SHLD1: variants seen among roughly 807,000 people sequenced by gnomAD.
The protein encoded by SHLD1 is shieldin complex subunit 1.
SHLD1 carries 3 observed loss-of-function variants against 5.5 expected under a neutral mutation model. The ratio of observed to expected loss-of-function variants is 0.54; its 90% confidence interval spans 0.25 to 1.40. SHLD1 has a LOEUF of 1.40. Ranked by LOEUF, SHLD1 falls within the 40% of genes most tolerant of loss-of-function variation. The probability of loss-of-function intolerance (pLI) is 0.15; values close to 1 mark genes in which losing one functional copy is unlikely to be tolerated. For missense variants in SHLD1, 210 were observed against 244.4 expected (o/e 0.86, Z 0.94); for synonymous variants, 92 against 94.3 (o/e 0.98, Z 0.14).
chr20:5,771,554 G>A (rs1435031192), intron 1 of SHLD1, among the ~76,000 whole-genome samples: 1 of 151,610 alleles, frequency 6.6e-6, no homozygotes, highest in Admixed American at 6.6e-5. Flanking sequence ...TATCTTCCAC[G>A]CACAAATGTA....
chr20:5,837,095 A>T (rs1359553241), intron 2 of SHLD1, among the ~76,000 whole-genome samples: 1 of 152,206 alleles, frequency 6.6e-6, no homozygotes, highest in East Asian at 1.9e-4. Context: ...CAACTGGAGC[A>T]ATAGGACAGA....
intron 2 of SHLD1, among the ~76,000 whole-genome samples, chr20:5,845,835 C>CCTT (rs2087926895): frequency 6.6e-6 from 1 of 152,120 alleles, no homozygotes. Flanking sequence ...AAGATGACTC[C>CCTT]TAAGGGGCTC....
intron 2 of SHLD1, among the ~76,000 whole-genome samples, chr20:5,785,028 T>C (rs1184946286): frequency 6.6e-6 from 1 of 152,222 alleles, no homozygotes; most frequent in Non-Finnish European, 1.5e-5. Flanking sequence ...CTCAAGGGCT[T>C]CTTCAAGTAA....
intron 2 of SHLD1, among the ~76,000 whole-genome samples, chr20:5,812,926 G>A (rs976187126): frequency 3.9e-5 from 6 of 151,940 alleles, no homozygotes; most frequent in Non-Finnish European, 8.8e-5. Flanking sequence ...CCAGGCTGGA[G>A]TGCAGTGATA....
chr20:5,817,740 T>C (rs952993051), intron 2 of SHLD1, among the ~76,000 whole-genome samples: 28 of 152,062 alleles, frequency 1.8e-4, no homozygotes, highest in African/African-American at 6.8e-4. Flanking sequence ...TGTGAAATAC[T>C]CAAAAGAATC....
chr20:5,845,568 T>TTG (rs2087923049), intron 2 of SHLD1, among the ~76,000 whole-genome samples: 1 of 152,250 alleles, frequency 6.6e-6, no homozygotes, highest in African/African-American at 2.4e-5. Context: ...GTTGCCTGCA[T>TTG]TGCACAGAAC....
intron 2 of SHLD1, among the ~76,000 whole-genome samples, chr20:5,857,579 C>T (rs758316563): frequency 2.0e-5 from 3 of 152,118 alleles, no homozygotes; most frequent in South Asian, 2.1e-4. Flanking sequence ...GAGGCCGAGG[C>T]GGGCAGATTA....
chr20:5,778,245 T>C (rs1338291229), intron 2 of SHLD1, among the ~76,000 whole-genome samples: 2 of 150,260 alleles, frequency 1.3e-5, no homozygotes, highest in Non-Finnish European at 3.0e-5. Flanking sequence ...GCCTCCCAAG[T>C]AGCTAGGACT....
At chr20:5,771,633 G>C (rs77631634) in intron 1 of SHLD1, among the ~76,000 whole-genome samples, 2 of 135,924 alleles carry the variant, frequency 1.5e-5, no homozygotes, top group African/African-American at 5.5e-5. Context: ...TTTTTTTTTT[G>C]AGACAGAGTC....
chr20:5,759,771 G>A (rs1984353721), intron 1 of SHLD1, among the ~76,000 whole-genome samples: 1 of 151,896 alleles, frequency 6.6e-6, no homozygotes, highest in Non-Finnish European at 1.5e-5. Context: ...AAATTATTGG[G>A]CTCAAGCAAT....
chr20:5,864,266 G>A lies in SHLD1; in HGVS notation c.*803G>A, dbSNP rs527723637. On this transcript the variant is annotated 3_prime_UTR_variant, in exon 3 of 3. Coordinates refer to ENST00000303142, the MANE Select transcript of SHLD1 (RefSeq NM_152504.4). ...TCTTGTCTTTTATCAGATTGCAAAC[G>A]TGAAAGGTGAGAAGGTAACAAATGT... Among the ~76,000 whole-genome samples the A allele has an allele frequency of 9.8e-5, 15 of 152,294 alleles. No individual in the cohort carries two copies. The highest frequency in any genetic ancestry group is 3.1e-4 in the African/African-American group (13 of 41,560).
At chr20:5,833,577 A>G (rs1189276954) in intron 2 of SHLD1, among the ~76,000 whole-genome samples, 2 of 152,016 alleles carry the variant, frequency 1.3e-5, no homozygotes, top group Non-Finnish European at 2.9e-5. Context: ...TCTGTCCTGA[A>G]CAGAGTCCAT....
In SHLD1 at chr20:5,806,977, T is replaced by C. The variant is rs1218034616; in HGVS notation, c.178+33934T>C. On this transcript the variant is annotated intron_variant, in intron 2 of 2. Coordinates refer to ENST00000303142, the MANE Select transcript of SHLD1 (RefSeq NM_152504.4). This position sits in a 1 kb window ranked among gnomAD's most constrained non-coding sequence, Gnocchi z 7.6. ...CAATCTTGGCCTTGAATTCTCATTTTATTCCTCAATGCACTGGCTTAGAAA... is the reference window on the plus strand; with the variant it reads ...CAATCTTGGCCTTGAATTCTCATTTCATTCCTCAATGCACTGGCTTAGAAA... Among the ~76,000 whole-genome samples the C allele has an allele frequency of 1.3e-5, 2 of 152,240 alleles. No individual in the cohort carries two copies. The highest frequency in any genetic ancestry group is 4.8e-5 in the African/African-American group (2 of 41,476).
In SHLD1 at chr20:5,855,562, G is replaced by A. The variant is rs954857859; in HGVS notation, c.179-7462G>A. Among the ~76,000 whole-genome samples, 1 of 152,040 alleles carries A rather than the reference G, an allele frequency of 6.6e-6. No homozygotes were observed. Among genetic ancestry groups the A allele is most frequent in the Non-Finnish European group, 1.5e-5 (1 of 68,006 alleles). On this transcript the variant is annotated intron_variant, in intron 2 of 2. Coordinates refer to ENST00000303142, the MANE Select transcript of SHLD1 (RefSeq NM_152504.4). The surrounding 1 kb of genome is among the most constrained non-coding windows in gnomAD (Gnocchi z 4.4). ...AATTTTTGTATTTTTAGTAGATACA[G>A]GGTTTCATCATGTTGCCCAGGCTGG...
chr20:5,816,802 G>A (rs2087535776), intron 2 of SHLD1, among the ~76,000 whole-genome samples: 1 of 152,204 alleles, frequency 6.6e-6, no homozygotes, highest in Admixed American at 6.5e-5. Context: ...GGGCGCAGTA[G>A]CTCACACCTG....
At chr20:5,790,189 TCAGA>T (rs2087119080) in intron 2 of SHLD1, among the ~76,000 whole-genome samples, 1 of 152,064 alleles carries the variant, frequency 6.6e-6, no homozygotes, top group South Asian at 2.1e-4. Context: ...TCCCACTACC[TCAGA>T]CAGCCCAACC....
At chr20:5,844,195 C>G (rs964049094) in intron 2 of SHLD1, among the ~76,000 whole-genome samples, 1 of 152,208 alleles carries the variant, frequency 6.6e-6, no homozygotes, top group African/African-American at 2.4e-5. Flanking sequence ...TTTAATTCAG[C>G]GCTGTGATTC....
chr20:5,846,441 T>G (rs771059142), intron 2 of SHLD1, among the ~76,000 whole-genome samples: 2 of 152,256 alleles, frequency 1.3e-5, no homozygotes, highest in Non-Finnish European at 2.9e-5. Context: ...ACAGTCGTAA[T>G]CAAAATAGCA....
At chr20:5,777,582 G>C (rs1242149699) in intron 2 of SHLD1, among the ~76,000 whole-genome samples, 8 of 150,954 alleles carry the variant, frequency 5.3e-5, no homozygotes, top group African/African-American at 2.0e-4. Context: ...ATCCTGCCTA[G>C]CTAATTAAAA....
Sources: allele counts gnomAD v4.1 joint callset (sites outside exome capture counted in the v4.1 genomes callset), GRCh38; gene constraint gnomAD v4.1.1; non-coding constraint Gnocchi (gnomAD v3.1); transcripts MANE v1.5; gene names NCBI Gene and HGNC (gene_info 2026-07-23, HGNC 2026-07-21).